The following ZFPM2 variants were observed in gnomAD, a reference collection of about 807,000 sequenced individuals.
ZFPM2 encodes zinc finger protein ZFPM2.
A neutral mutation model predicts 98.6 loss-of-function variants in ZFPM2; 20 were observed. The ratio of observed to expected loss-of-function variants is 0.20; its 90% CI spans 0.14 to 0.29. ZFPM2 has a LOEUF of 0.29. Ranked by LOEUF, ZFPM2 falls within the 10% of genes least tolerant of loss-of-function variation. The pLI is 1.00. For synonymous variants in ZFPM2, 518 were observed against 502.7 expected, an observed-to-expected ratio of 1.03 and a Z score of -0.41; for missense variants, 1,310 against 1,388.6, an observed-to-expected ratio of 0.94 and a Z score of 0.90.
chr8:105,715,723 G>C (rs988699701), intron 5 of ZFPM2, among the ~76,000 whole-genome samples: 1 of 151,900 alleles, frequency 6.6e-6, no homozygotes, highest in Non-Finnish European at 1.5e-5. Context: ...CAACCTATAT[G>C]TGACTGATTC....
At chr8:105,728,484 T>G (rs1484028386) in intron 5 of ZFPM2, among the ~76,000 whole-genome samples, 1 of 151,706 alleles carries the variant, frequency 6.6e-6, no homozygotes, top group Non-Finnish European at 1.5e-5. Context: ...GAGACGATGT[T>G]AAAGCACAAG....
At position 105,714,802 on chromosome 8, in the gene ZFPM2, C is replaced by T. The variant is rs547066886; in HGVS notation, c.533-73916C>T. ...TTAGGCATTCGTTTATTGTTTTGTT[C>T]CTTGTATAAAAGATTTTAAAAAGTG... On this transcript the variant is annotated intron_variant, in intron 5 of 7. Coordinates refer to ENST00000407775, the MANE Select transcript of ZFPM2 (RefSeq NM_012082.4). 1.3e-4 allele frequency among the ~76,000 whole-genome samples: 20 copies of T among 151,926 alleles called. 1 individual carries two copies. In the South Asian group the frequency reaches 3.9e-3, roughly 30 times the overall value.
intron 5 of ZFPM2, among the ~76,000 whole-genome samples, chr8:105,706,936 T>C (rs1811277809): frequency 6.6e-6 from 1 of 152,046 alleles, no homozygotes; most frequent in South Asian, 2.1e-4. Flanking sequence ...TACTTACTGG[T>C]AGTGTAGATT....
At chr8:105,424,205 C>A (rs1778732290) in intron 2 of ZFPM2, among the ~76,000 whole-genome samples, 1 of 152,134 alleles carries the variant, frequency 6.6e-6, no homozygotes, top group Non-Finnish European at 1.5e-5. Context: ...TTTGAATTAT[C>A]TACAATGATT....
chr8:105,644,897 A>C (rs1433788770), intron 5 of ZFPM2, among the ~76,000 whole-genome samples: 2 of 152,186 alleles, frequency 1.3e-5, no homozygotes, highest in African/African-American at 4.8e-5. Context: ...TCCTAATGCC[A>C]TCACATTTGG....
Position 105,791,973 on chromosome 8 carries a change from TTCTC to T in ZFPM2, c.739+3053_739+3056del, listed in dbSNP as rs993628719. ...ATTTTTTATTGCGTCTATTTGATTCTTCTCTCTTTTTTTCTTTATTAGTCTTGCT... is the reference window on the plus strand; with the variant it reads ...ATTTTTTATTGCGTCTATTTGATTCTTCTTTTTTTCTTTATTAGTCTTGCT... On this transcript the variant is annotated intron_variant, in intron 6 of 7. Transcript: ENST00000407775. Among the ~76,000 whole-genome samples the T allele has an allele frequency of 1.8e-4, 28 of 152,336 alleles. No homozygotes were observed. In the East Asian group the frequency reaches 3.9e-3, roughly 21 times the overall value.
rs148237795 is a variant in ZFPM2 at position 105,492,446 on chromosome 8, T to G, written c.301+48065T>G. Among the ~76,000 whole-genome samples, 29 of 152,292 alleles carry G rather than the reference T, an allele frequency of 1.9e-4. No homozygotes were observed. The East Asian group carries it at 5.4e-3, about 28-fold the overall frequency. ...ATGTAAACCTGAAAAAATACTATTT[T>G]GTACAAAATGCTTAGACATCTGTTT... is the stretch of plus-strand genomic sequence containing the variant. On this transcript the variant is annotated intron_variant, in intron 3 of 7. Transcript: ENST00000407775.
At chr8:105,552,309 G>A (rs557135222) in intron 3 of ZFPM2, among the ~76,000 whole-genome samples, 2 of 152,198 alleles carry the variant, frequency 1.3e-5, no homozygotes, top group South Asian at 4.1e-4. Flanking sequence ...GTGCTTGCTA[G>A]CCAAGTCCTC....
chr8:105,729,830 T>C (rs1309618628), intron 5 of ZFPM2, among the ~76,000 whole-genome samples: 2 of 151,462 alleles, frequency 1.3e-5, no homozygotes, highest in Non-Finnish European at 3.0e-5. Context: ...TTTTTCATTA[T>C]GTGTCTACTT....
At chr8:105,394,070 T>A (rs974272553) in intron 1 of ZFPM2, among the ~76,000 whole-genome samples, 25 of 152,038 alleles carry the variant, frequency 1.6e-4, no homozygotes, top group Admixed American at 2.6e-4. Flanking sequence ...ATTTTTTGTA[T>A]TTTTATTAGA....
At chr8:105,415,288 C>T (rs1473955840) in intron 1 of ZFPM2, among the ~76,000 whole-genome samples, 1 of 152,040 alleles carries the variant, frequency 6.6e-6, no homozygotes, top group African/African-American at 2.4e-5. Flanking sequence ...GGATGTAAAA[C>T]TAATCACTAG....
At chr8:105,661,913 G>T (rs1817396855) in intron 5 of ZFPM2, among the ~76,000 whole-genome samples, 1 of 151,962 alleles carries the variant, frequency 6.6e-6, no homozygotes, top group Non-Finnish European at 1.5e-5. Flanking sequence ...GGTAGGTGAT[G>T]TCTAGGTTTT....
chr8:105,543,629 T>C (rs183075853), intron 3 of ZFPM2, among the ~76,000 whole-genome samples: 80 of 152,286 alleles, frequency 5.3e-4, no homozygotes, highest in Admixed American at 2.1e-3. Context: ...TTTTAAGTGA[T>C]GTATCTTTTC....
intron 1 of ZFPM2, among the ~76,000 whole-genome samples, chr8:105,364,759 T>C (rs1810476438): frequency 6.6e-6 from 1 of 152,028 alleles, no homozygotes; most frequent in African/African-American, 2.4e-5. Context: ...GATCAACAAA[T>C]TTTTAAAAAG....
intron 1 of ZFPM2, among the ~76,000 whole-genome samples, chr8:105,336,097 A>G (rs1169467794): frequency 6.6e-6 from 1 of 151,862 alleles, no homozygotes; most frequent in African/African-American, 2.4e-5. Context: ...TGAATTATAC[A>G]ATCATTCTTT....
At chr8:105,349,849 A>C (rs1812609256) in intron 1 of ZFPM2, among the ~76,000 whole-genome samples, 1 of 152,184 alleles carries the variant, frequency 6.6e-6, no homozygotes, top group African/African-American at 2.4e-5. Context: ...ATAACTGGAA[A>C]TATTTTTCAT....
At chr8:105,429,145 G>A (rs894166200) in intron 2 of ZFPM2, among the ~76,000 whole-genome samples, 1 of 151,968 alleles carries the variant, frequency 6.6e-6, no homozygotes, top group Non-Finnish European at 1.5e-5. Flanking sequence ...ATTTAACAAC[G>A]CGATTTGATG....
At chr8:105,687,692 A>C (rs913130166) in intron 5 of ZFPM2, among the ~76,000 whole-genome samples, 1 of 152,172 alleles carries the variant, frequency 6.6e-6, no homozygotes, top group Non-Finnish European at 1.5e-5. Context: ...AAAAATGGAT[A>C]TCAAAATCTA....
At chr8:105,528,947 A>G (rs1029336882) in intron 3 of ZFPM2, 1 of 152,152 alleles carries the variant, frequency 6.6e-6, no homozygotes, top group Non-Finnish European at 1.5e-5. Context: ...TTTTCATTCT[A>G]CTGTAGGGCT....
Sources: allele counts gnomAD v4.1 joint callset (sites outside exome capture counted in the v4.1 genomes callset), GRCh38; gene constraint gnomAD v4.1.1; transcripts MANE v1.5; gene names NCBI Gene and HGNC (gene_info 2026-07-23, HGNC 2026-07-21).